PBX3: variants seen among roughly 807,000 people sequenced by gnomAD.
The protein encoded by PBX3 is PBX homeobox 3.
Under a neutral mutation model 48.5 loss-of-function variants are expected in PBX3, and 14 were observed. The observed-to-expected ratio is 0.29, with a 90% confidence interval of 0.19 to 0.45. The LOEUF is 0.45. PBX3 is among the 20% of genes least tolerant of loss of function. PBX3 has a pLI of 1.00. For synonymous variants in PBX3, 210 were observed against 200.3 expected (o/e 1.05, Z -0.41); for missense variants, 386 against 546.7 (o/e 0.71, Z 2.93).
intron 2 of PBX3, among the ~76,000 whole-genome samples, chr9:125,910,742 G>A (rs1178216153): frequency 6.6e-6 from 1 of 150,426 alleles, no homozygotes; most frequent in Non-Finnish European, 1.5e-5. Flanking sequence ...TTGGGGCCAT[G>A]AGTTGTGATG....
In PBX3 at chr9:125,966,177, G is replaced by T; in HGVS notation, c.*254G>T. ...ATTTAACATTGTTGACAGTCCTGTA[G>T]CTATTTTATCATAATTTATTATCAA... On this transcript the variant is annotated 3_prime_UTR_variant, in exon 9 of 9. Coordinates refer to ENST00000373489, the MANE Select transcript of PBX3 (RefSeq NM_006195.6). The T allele has an allele frequency of 3.0e-6, 1 of 328,472 alleles. No individual in the cohort carries two copies. The highest frequency in any genetic ancestry group is 4.5e-5 in the Admixed American group (1 of 22,342). 20.3% of individuals were successfully genotyped at this position (328,472 alleles called of 1,614,324 possible).
intron 2 of PBX3, among the ~76,000 whole-genome samples, chr9:125,793,362 AAAAAATAT>A (rs1403987052): frequency 7.6e-5 from 5 of 65,652 alleles, no homozygotes; most frequent in African/African-American, 2.8e-4. Context: ...GGGGGGAAAA[AAAAAATAT>A]ATATATATAT....
chr9:125,911,359 C>T (rs138840925), intron 2 of PBX3, among the ~76,000 whole-genome samples: 2,918 of 152,198 alleles, frequency 0.019, 36 homozygotes, highest in Middle Eastern at 0.048. Flanking sequence ...GGTTACACTT[C>T]TCAAACTGTG....
intron 2 of PBX3, among the ~76,000 whole-genome samples, chr9:125,816,457 T>C (rs1394452960): frequency 1.3e-5 from 2 of 152,378 alleles, no homozygotes; most frequent in East Asian, 3.9e-4. Context: ...TGAATATTTC[T>C]ATGGTGCTTT....
At chr9:125,806,619 A>C (rs1430659309) in intron 2 of PBX3, among the ~76,000 whole-genome samples, 5 of 152,156 alleles carry the variant, frequency 3.3e-5, no homozygotes, top group African/African-American at 1.2e-4. Flanking sequence ...AAGCCTGTTA[A>C]TACTGTTGCT....
chr9:125,761,141 A>C lies in PBX3; in HGVS notation c.274+12518A>C, dbSNP rs1349663388. On this transcript the variant is annotated intron_variant, in intron 2 of 8. Transcript: ENST00000373489. ...TTACCATTAATGAAGTGCAACATAA[A>C]TATCTCAGTGCCAATAAATTATACA... 2.0e-5 allele frequency among the ~76,000 whole-genome samples: 3 copies of C among 152,154 alleles called. No homozygotes were observed. The East Asian group carries it at 5.8e-4, about 29-fold the overall frequency.
rs1039612507 is a variant in PBX3 at position 125,798,956 on chromosome 9, A to G, written c.274+50333A>G. 3.3e-5 allele frequency among the ~76,000 whole-genome samples: 5 copies of G among 152,102 alleles called. No homozygotes were observed. The South Asian group carries it at 1.0e-3, about 31-fold the overall frequency. Reference sequence around the variant, plus strand: ...TTAATATTAATTTTAAAAAATAGCTATTAGAATGAATTTTACTCTTAAGGT... The same window carrying G: ...TTAATATTAATTTTAAAAAATAGCTGTTAGAATGAATTTTACTCTTAAGGT... On this transcript the variant is annotated intron_variant, in intron 2 of 8. Coordinates refer to ENST00000373489, the MANE Select transcript of PBX3 (RefSeq NM_006195.6).
chr9:125,877,584 C>A lies in PBX3; in HGVS notation c.275-38102C>A, dbSNP rs114535950. ...TACTAATATATTCTATTTTTTATAC[C>A]GCTATATAATCTTTTTTTATCCCCC... On this transcript the variant is annotated intron_variant, in intron 2 of 8. Transcript: ENST00000373489. Among the ~76,000 whole-genome samples, 1,225 of 152,140 alleles carry A rather than the reference C, an allele frequency of 8.1e-3. 12 individuals carry two copies. Among genetic ancestry groups the A allele is most frequent in the African/African-American group, 0.028 (1,176 of 41,500 alleles).
intron 2 of PBX3, among the ~76,000 whole-genome samples, chr9:125,893,306 T>A (rs1840694432): frequency 6.6e-6 from 1 of 152,254 alleles, no homozygotes; most frequent in Non-Finnish European, 1.5e-5. Context: ...ATTTTACTTC[T>A]TGCTTTTAAA....
At chr9:125,875,842 A>G (rs1030838677) in intron 2 of PBX3, among the ~76,000 whole-genome samples, 4 of 152,302 alleles carry the variant, frequency 2.6e-5, no homozygotes, top group South Asian at 2.1e-4. Context: ...TGTACTAACT[A>G]TATGCCAGAT....
chr9:125,874,657 C>T (rs1284854637), intron 2 of PBX3, among the ~76,000 whole-genome samples: 4 of 152,124 alleles, frequency 2.6e-5, no homozygotes, highest in Admixed American at 2.0e-4. Context: ...AGATAGAATA[C>T]ATTAAATGAA....
intron 2 of PBX3, among the ~76,000 whole-genome samples, chr9:125,767,264 A>T (rs565394695): frequency 2.2e-4 from 33 of 152,324 alleles, no homozygotes; most frequent in African/African-American, 7.7e-4. Flanking sequence ...AGTTAGGCTG[A>T]TATGTATGTC....
In PBX3 at chr9:125,759,403, T is replaced by C. The variant is rs1836604451; in HGVS notation, c.274+10780T>C. Among the ~76,000 whole-genome samples the C allele has an allele frequency of 6.6e-6, 1 of 152,228 alleles. No individual in the cohort carries two copies. Among genetic ancestry groups the C allele is most frequent in the East Asian group, 1.9e-4 (1 of 5,194 alleles). Reference sequence around the variant, plus strand: ...CTGGCTGGTGGGCTGGCAGTTTCACTGGCACTGCCAAATGTACTTCCTATT... The same window carrying C: ...CTGGCTGGTGGGCTGGCAGTTTCACCGGCACTGCCAAATGTACTTCCTATT... On this transcript the variant is annotated intron_variant, in intron 2 of 8. Coordinates refer to ENST00000373489, the MANE Select transcript of PBX3 (RefSeq NM_006195.6). The surrounding 1 kb of genome is among the most constrained non-coding windows in gnomAD (Gnocchi z 4.2).
At chr9:125,928,666 T>C (rs572963142) in intron 3 of PBX3, among the ~76,000 whole-genome samples, 1 of 152,026 alleles carries the variant, frequency 6.6e-6, no homozygotes, top group South Asian at 2.1e-4. Flanking sequence ...GGGGTTTCAC[T>C]GTGTTAGCCA....
chr9:125,791,122 G>A (rs555090342), intron 2 of PBX3, among the ~76,000 whole-genome samples: 1 of 152,006 alleles, frequency 6.6e-6, no homozygotes, highest in East Asian at 1.9e-4. Flanking sequence ...TGCCATTTTG[G>A]CCAGGCTAGT....
At chr9:125,818,841 A>T (rs1838559383) in intron 2 of PBX3, among the ~76,000 whole-genome samples, 1 of 151,484 alleles carries the variant, frequency 6.6e-6, no homozygotes, top group South Asian at 2.1e-4. Flanking sequence ...GATGATGATT[A>T]TTATTATTAT....
At chr9:125,752,976 C>T in intron 2 of PBX3, among the ~76,000 whole-genome samples, 1 of 152,080 alleles carries the variant, frequency 6.6e-6, no homozygotes, top group Admixed American at 6.5e-5. Context: ...TTATTGTGGA[C>T]ACCTTTGAAA....
intron 2 of PBX3, among the ~76,000 whole-genome samples, chr9:125,818,039 G>A (rs1320662854): frequency 6.6e-6 from 1 of 151,912 alleles, no homozygotes; most frequent in African/African-American, 2.4e-5. Flanking sequence ...TGTCTCTACT[G>A]AAAATGCAAA....
intron 4 of PBX3, among the ~76,000 whole-genome samples, chr9:125,933,223 A>G (rs1005706185): frequency 2.0e-5 from 3 of 152,218 alleles, no homozygotes; most frequent in African/African-American, 7.2e-5. Context: ...TCAGTCAGAT[A>G]TATGATTCCC....
Sources: allele counts gnomAD v4.1 joint callset (sites outside exome capture counted in the v4.1 genomes callset), GRCh38; gene constraint gnomAD v4.1.1; non-coding constraint Gnocchi (gnomAD v3.1); transcripts MANE v1.5; gene names NCBI Gene and HGNC (gene_info 2026-07-23, HGNC 2026-07-21).